The following RGS6 variants were observed in gnomAD, a reference collection of about 807,000 sequenced individuals.
RGS6 encodes the protein regulator of G protein signaling 6, also known as regulator of G-protein signaling 6.
A neutral mutation model predicts 78.5 loss-of-function variants in RGS6; 30 were observed. That is an observed-to-expected ratio of 0.38 (90% CI 0.29 to 0.52). The LOEUF (loss-of-function observed/expected upper bound fraction) is 0.52. Among genes scored for constraint, RGS6 ranks in the 20% least tolerant of loss-of-function variants. The pLI, the probability that RGS6 is intolerant of heterozygous loss-of-function variation, is 0.85. For missense variants in RGS6, 495 were observed against 609.7 expected (o/e 0.81, Z 1.98); for synonymous variants, 206 against 206.0 (o/e 1.00, Z 0.00).
chr14:72,418,890 C>T (rs920635365), intron 3 of RGS6, among the ~76,000 whole-genome samples: 1 of 152,194 alleles, frequency 6.6e-6, no homozygotes. Flanking sequence ...GGAGGACACA[C>T]ACCATATCAA....
At chr14:72,230,346 G>A (rs1006918368) in intron 2 of RGS6, among the ~76,000 whole-genome samples, 27 of 152,134 alleles carry the variant, frequency 1.8e-4, no homozygotes, top group African/African-American at 6.3e-4. Context: ...ATTTAGAGGT[G>A]TTCAGAACTA....
At chr14:72,253,954 G>A (rs2056472547) in intron 2 of RGS6, among the ~76,000 whole-genome samples, 3 of 152,288 alleles carry the variant, frequency 2.0e-5, no homozygotes, top group South Asian at 2.1e-4. Context: ...CCATCCCAGG[G>A]CACCTCACGT....
At chr14:72,522,009 AT>A (rs1467117734) in intron 15 of RGS6, among the ~76,000 whole-genome samples, 1 of 152,194 alleles carries the variant, frequency 6.6e-6, no homozygotes. Flanking sequence ...GATAACCCCT[AT>A]TTTGGTGTAT....
the RGS6 span, among the ~76,000 whole-genome samples, chr14:72,613,093 A>G: frequency 5.9e-5 from 9 of 152,276 alleles, no homozygotes; most frequent in South Asian, 1.7e-3. Flanking sequence ...ATCAATATTC[A>G]TAACATTGAA....
At chr14:71,999,286 G>T (rs909569285) in intron 2 of RGS6, among the ~76,000 whole-genome samples, 1 of 152,244 alleles carries the variant, frequency 6.6e-6, no homozygotes, top group Non-Finnish European at 1.5e-5. Flanking sequence ...AAATCCTGAT[G>T]CTCAGCCTCT....
At chr14:72,158,901 T>A (rs2153656203) in intron 2 of RGS6, among the ~76,000 whole-genome samples, 1 of 152,312 alleles carries the variant, frequency 6.6e-6, no homozygotes, top group South Asian at 2.1e-4. Context: ...TCCACCCTTT[T>A]CTTTCTGTGT....
At chr14:72,448,069 AAG>A (rs779142654) in intron 3 of RGS6, among the ~76,000 whole-genome samples, 2 of 152,192 alleles carry the variant, frequency 1.3e-5, no homozygotes, top group Non-Finnish European at 2.9e-5. Context: ...AGGCATTGTG[AAG>A]AGAGTTTTGT....
chr14:72,064,758 A>T (rs2094058072), intron 2 of RGS6, among the ~76,000 whole-genome samples: 1 of 152,216 alleles, frequency 6.6e-6, no homozygotes, highest in Non-Finnish European at 1.5e-5. Context: ...CGTTGGATAG[A>T]TGTCATCTAT....
intron 2 of RGS6, among the ~76,000 whole-genome samples, chr14:72,250,399 G>GAAAAAAAAAAAAAAAAA (rs58591258): frequency 8.7e-6 from 1 of 114,286 alleles, no homozygotes; most frequent in African/African-American, 3.4e-5. Context: ...TAAATACACC[G>GAAAAAAAAAAAAAAAAA]AAAAAAAAAA....
At chr14:72,215,710 A>G (rs1036702065) in intron 2 of RGS6, among the ~76,000 whole-genome samples, 2 of 152,194 alleles carry the variant, frequency 1.3e-5, no homozygotes, top group African/African-American at 4.8e-5. Context: ...AGGTAAAAAC[A>G]CCTTCAAATA....
intron 2 of RGS6, among the ~76,000 whole-genome samples, chr14:72,235,156 G>T (rs889767449): frequency 6.6e-6 from 1 of 152,198 alleles, no homozygotes; most frequent in Non-Finnish European, 1.5e-5. Flanking sequence ...ACGGTAAGTG[G>T]CCTGAGGTAG....
chr14:72,099,746 ATTAT>A (rs1388306973), intron 2 of RGS6, among the ~76,000 whole-genome samples: 1 of 152,002 alleles, frequency 6.6e-6, no homozygotes, highest in Non-Finnish European at 1.5e-5. Flanking sequence ...TTTGGCGGGG[ATTAT>A]TTGTCTTTAG....
chr14:72,395,526 C>A (rs1426763685), intron 3 of RGS6, among the ~76,000 whole-genome samples: 1 of 151,948 alleles, frequency 6.6e-6, no homozygotes. Context: ...TTTTTACTAT[C>A]CAACATAATT....
chr14:72,562,886 C>A lies in RGS6; in HGVS notation c.*419C>A. 1.2e-6 allele frequency: 1 copy of A among 801,978 alleles called. No homozygotes were observed. The highest frequency in any genetic ancestry group is 2.1e-6 in the Non-Finnish European group (1 of 483,810). 49.7% of individuals were successfully genotyped at this position (801,978 alleles called of 1,614,324 possible). On this transcript the variant is annotated 3_prime_UTR_variant, in exon 18 of 18. Coordinates refer to ENST00000553525, the MANE Select transcript of RGS6 (RefSeq NM_001204424.2). ...GCAAATTCAAGAGGCATGAGTGGAC[C>A]GAGAGCACATCCAGCATTTGCATCA...
intron 1 of RGS6, among the ~76,000 whole-genome samples, chr14:71,940,570 C>T (rs2090364591): frequency 6.6e-6 from 1 of 152,224 alleles, no homozygotes; most frequent in South Asian, 2.1e-4. Flanking sequence ...TCAGACTATT[C>T]TGATTGCCAC....
chr14:72,130,874 G>A (rs1047796775), intron 2 of RGS6, among the ~76,000 whole-genome samples: 1 of 152,226 alleles, frequency 6.6e-6, no homozygotes, highest in South Asian at 2.1e-4. Flanking sequence ...GCATTGGTAT[G>A]TGTGTTGGGG....
intron 2 of RGS6, among the ~76,000 whole-genome samples, chr14:72,025,752 C>T (rs143876953): frequency 1.5e-3 from 230 of 152,162 alleles, no homozygotes; most frequent in Non-Finnish European, 2.9e-3. Flanking sequence ...TCAGAGGAGC[C>T]TTGAGTGGTA....
At chr14:72,488,328 T>C (rs2096527087) in intron 12 of RGS6, among the ~76,000 whole-genome samples, 1 of 152,232 alleles carries the variant, frequency 6.6e-6, no homozygotes, top group Non-Finnish European at 1.5e-5. Context: ...AGGCATGACA[T>C]GGCACAAGCT....
At chr14:72,466,373 C>T (rs1421081135) in intron 7 of RGS6, among the ~76,000 whole-genome samples, 1 of 152,196 alleles carries the variant, frequency 6.6e-6, no homozygotes, top group East Asian at 1.9e-4. Flanking sequence ...CAAGCAATCC[C>T]ACTTGTATAT....
Sources: gnomAD v4.1 joint callset for allele counts (sites outside exome capture counted in the v4.1 genomes callset) on GRCh38, gnomAD v4.1.1 for gene constraint, MANE v1.5 for transcripts, NCBI Gene and HGNC (gene_info 2026-07-23, HGNC 2026-07-21) for gene names.